Variants in KIF21A observed in about 807,000 individuals in gnomAD.
KIF21A encodes kinesin family member 21A.
A neutral mutation model predicts 202.9 loss-of-function variants in KIF21A; 114 were observed. The ratio of observed to expected loss-of-function variants is 0.56; its 90% CI spans 0.48 to 0.66. The LOEUF (loss-of-function observed/expected upper bound fraction) is 0.66. KIF21A is among the 30% of genes least tolerant of loss of function. The pLI is 0.00. For synonymous variants in KIF21A, 667 were observed against 670.8 expected (o/e 0.99, Z 0.09); for missense variants, 1,677 against 1,994.9 (o/e 0.84, Z 3.04).
intron 1 of KIF21A, among the ~76,000 whole-genome samples, chr12:39,423,098 T>C (rs1202265486): frequency 6.6e-6 from 1 of 152,244 alleles, no homozygotes; most frequent in Non-Finnish European, 1.5e-5. Flanking sequence ...AAATAGTAAG[T>C]GCTTGACAAA....
At chr12:39,361,724 T>A (rs1286177670) in intron 7 of KIF21A, among the ~76,000 whole-genome samples, 1 of 152,090 alleles carries the variant, frequency 6.6e-6, no homozygotes, top group African/African-American at 2.4e-5. Context: ...GCCAGGATGG[T>A]CTTGATCTCC....
rs1943595933 is a variant in KIF21A at position 39,307,559 on chromosome 12, A to ATC, written c.4442+4_4442+5dup. 3 of 1,613,286 alleles carry ATC rather than the reference A, an allele frequency of 1.9e-6. No individual in the cohort carries two copies. The African/African-American group carries it at 4.0e-5, about 22-fold the overall frequency. The stretch of plus-strand genomic sequence containing the variant: ...GCAAGAGGTATGTTTTCTTAAAAAT[A>ATC]TCTACCTTTTAAGATCCCACATCCT... On this transcript the variant is annotated splice_donor_region_variant and intron_variant, in intron 34 of 37. Transcript: ENST00000361418.
In KIF21A at chr12:39,340,372, AC is replaced by A. The variant is rs760328430; in HGVS notation, c.2111-9del. 6.3e-7 allele frequency: 1 copy of A among 1,587,664 alleles called. No homozygotes were observed. Among genetic ancestry groups the A allele is most frequent in the Non-Finnish European group, 8.6e-7 (1 of 1,161,232 alleles). ...AGTAAGATTCTACCGAGCCTAAATG[AC>A]CAGAGGACATTTTTATATGTTTTTT... On this transcript the variant is annotated splice_polypyrimidine_tract_variant and intron_variant, in intron 15 of 37. Transcript: ENST00000361418.
At chr12:39,344,709 T>C (rs79480597) in intron 12 of KIF21A, among the ~76,000 whole-genome samples, 14,929 of 152,246 alleles carry the variant, frequency 0.098, 758 homozygotes, top group East Asian at 0.14. Context: ...TTTAAAGGCT[T>C]AAACTTTTAA....
rs1292335779 is a variant in KIF21A, at chr12:39,366,471, T to C, written c.782A>G (p.Asn261Ser). Residue 261 changes from asparagine (N) to serine (S), a missense_variant, in exon 6 of 38, where the codon AAT becomes AGT. Physicochemically the swap from Asn to Ser is conservative, Grantham distance 46 (BLOSUM62 1). This residue lies in a region of KIF21A where 966 missense variants were observed against 1,180.9 expected (regional missense o/e 0.82). Transcript: ENST00000361418. ...NKIISESAQMNEFETLTAKFH... is the reference protein window; with the variant it reads ...NKIISESAQMSEFETLTAKFH... ...CTTTGCAGTCAGGGTTTCAAATTCATTCATCTGTGCTGATTCAGAAATAAT... is the reference window on the plus strand; with the variant it reads ...CTTTGCAGTCAGGGTTTCAAATTCACTCATCTGTGCTGATTCAGAAATAAT... The C allele has an allele frequency of 3.7e-6, 6 of 1,613,100 alleles. No homozygotes were observed. The East Asian group carries it at 1.3e-4, about 36-fold the overall frequency.
intron 1 of KIF21A, among the ~76,000 whole-genome samples, chr12:39,399,645 C>G (rs1455548505): frequency 6.6e-6 from 1 of 152,186 alleles, no homozygotes; most frequent in African/African-American, 2.4e-5. Context: ...TTCTCTCCCC[C>G]AAGTAACAAA....
At chr12:39,311,726 T>C in intron 31 of KIF21A, 173 bp from the exon 32 acceptor site, 2 of 656,286 alleles carry the variant, frequency 3.0e-6, no homozygotes, top group Non-Finnish European at 5.4e-6. Flanking sequence ...ATAATAATAG[T>C]GATGGAGTAT....
chr12:39,315,122 G>C (rs1320731369), intron 31 of KIF21A, 107 bp downstream of exon 31: 1 of 1,035,658 alleles, frequency 9.7e-7, no homozygotes, highest in Non-Finnish European at 1.5e-6. Flanking sequence ...CAACAGACTT[G>C]ATCTGAAGGA....
At position 39,370,231 on chromosome 12, in the gene KIF21A, A is replaced by C; in HGVS notation, c.75T>G (p.Ile25Met). 6.2e-7 allele frequency: 1 copy of C among 1,613,478 alleles called. No homozygotes were observed. The highest frequency in any genetic ancestry group is 8.5e-7 in the Non-Finnish European group (1 of 1,179,506). Reference sequence around the variant, plus strand: ...CAGATGTACAAATATGGCATCCTTCAATCTTCTCTTTGGCAAGCTGTGGTC... The same window carrying C: ...CAGATGTACAAATATGGCATCCTTCCATCTTCTCTTTGGCAAGCTGTGGTC... ...RIRPQLAKEK[I>M]EGCHICTSVT... The change falls in exon 2 of 38, where the codon ATT (isoleucine) becomes ATG (methionine). Residue 25 changes from isoleucine to methionine, a missense_variant. Physicochemically the swap from Ile to Met is conservative, Grantham distance 10. Coordinates refer to ENST00000361418, the MANE Select transcript of KIF21A (RefSeq NM_001173464.2).
intron 1 of KIF21A, among the ~76,000 whole-genome samples, chr12:39,422,230 C>T (rs947037642): frequency 2.6e-5 from 4 of 151,836 alleles, no homozygotes; most frequent in Non-Finnish European, 4.4e-5. Flanking sequence ...CAAAGTGCTA[C>T]GATTACATGC....
In KIF21A at chr12:39,370,155, A is replaced by G; in HGVS notation, c.151T>C (p.Phe51Leu). The change falls in exon 2 of 38, where the codon TTT (phenylalanine) becomes CTT (leucine). Residue 51 changes from phenylalanine to leucine, a missense_variant. This residue lies in a region of KIF21A where 966 missense variants were observed against 1,180.9 expected (regional missense o/e 0.82). Coordinates refer to ENST00000361418, the MANE Select transcript of KIF21A (RefSeq NM_001173464.2). ...VFLGKDKAFT[F>L]DYVFDIDSQQ... ...GAGTCAATGTCAAATACATAGTCAA[A>G]AGTAAAAGCCTTATCTTTCCCTAGG... 6.2e-7 allele frequency: 1 copy of G among 1,613,538 alleles called. No individual in the cohort carries two copies. The highest frequency in any genetic ancestry group is 8.5e-7 in the Non-Finnish European group (1 of 1,179,578).
At chr12:39,440,908 A>T (rs1037742886) in intron 1 of KIF21A, among the ~76,000 whole-genome samples, 1 of 152,096 alleles carries the variant, frequency 6.6e-6, no homozygotes, top group African/African-American at 2.4e-5. Flanking sequence ...TCAGCTACTC[A>T]GCAGGCTGAG....
intron 6 of KIF21A, among the ~76,000 whole-genome samples, chr12:39,365,774 T>C (rs1057327132): frequency 6.6e-6 from 1 of 151,952 alleles, no homozygotes; most frequent in Non-Finnish European, 1.5e-5. Flanking sequence ...CTTTGGGAGG[T>C]TGAGGTGAGT....
In KIF21A at chr12:39,416,660, T is replaced by C. The variant is rs1009093699; in HGVS notation, c.44+26267A>G. 3.3e-5 allele frequency among the ~76,000 whole-genome samples: 3 copies of C among 91,958 alleles called. 1 individual carries two copies. Among genetic ancestry groups the C allele is most frequent in the Non-Finnish European group, 6.5e-5 (3 of 45,952 alleles). The allele number at this position is 91,958 out of a possible 152,430, so 60.3% of individuals were successfully genotyped here. ...ATATATATATGTACATATATATGTG[T>C]ATATATATATGTACATATATATGTG... On this transcript the variant is annotated intron_variant, in intron 1 of 37. Coordinates refer to ENST00000361418, the MANE Select transcript of KIF21A (RefSeq NM_001173464.2).
intron 1 of KIF21A, among the ~76,000 whole-genome samples, chr12:39,413,159 C>A (rs958529620): frequency 6.6e-6 from 1 of 152,156 alleles, no homozygotes; most frequent in Non-Finnish European, 1.5e-5. Flanking sequence ...AATTACCTAA[C>A]TGAACTTCTT....
intron 1 of KIF21A, among the ~76,000 whole-genome samples, chr12:39,408,290 C>T (rs1271447258): frequency 2.0e-5 from 3 of 152,118 alleles, no homozygotes; most frequent in Middle Eastern, 3.2e-3. Flanking sequence ...AGATCCCTCA[C>T]ATGTGCAGTT....
intron 1 of KIF21A, among the ~76,000 whole-genome samples, chr12:39,376,637 C>T (rs575310268): frequency 1.1e-4 from 16 of 152,244 alleles, no homozygotes; most frequent in African/African-American, 3.9e-4. Flanking sequence ...TAGTTTACAA[C>T]TTCCTATAAC....
chr12:39,404,729 T>C (rs995279121), intron 1 of KIF21A, among the ~76,000 whole-genome samples: 3 of 152,180 alleles, frequency 2.0e-5, no homozygotes, highest in Non-Finnish European at 4.4e-5. Flanking sequence ...TTTCTACAAC[T>C]TAATAGTAAA....
intron 22 of KIF21A, among the ~76,000 whole-genome samples, chr12:39,331,368 T>C (rs2138093999): frequency 6.6e-6 from 1 of 152,356 alleles, no homozygotes; most frequent in African/African-American, 2.4e-5. Context: ...AGAATCAATG[T>C]TAAATTAGTT....
Sources: allele counts gnomAD v4.1 joint callset (sites outside exome capture counted in the v4.1 genomes callset), GRCh38; gene constraint gnomAD v4.1.1; regional missense constraint gnomAD v4.1.1; transcripts MANE v1.5; gene names NCBI Gene and HGNC (gene_info 2026-07-23, HGNC 2026-07-21).